DZIP1: variants seen among roughly 807,000 people sequenced by gnomAD.
DZIP1 encodes DAZ interacting zinc finger protein 1.
Under a neutral mutation model 107.6 loss-of-function variants are expected in DZIP1, and 97 were observed. That is an observed-to-expected ratio of 0.90 (90% CI 0.77 to 1.07). DZIP1 has a LOEUF of 1.07. DZIP1 is among the 50% of genes least tolerant of loss of function. The pLI is 0.00. For synonymous variants in DZIP1, 390 were observed against 386.4 expected, an observed-to-expected ratio of 1.01 and a Z score of -0.11; for missense variants, 1,035 against 1,063.6, an observed-to-expected ratio of 0.97 and a Z score of 0.37.
At chr13:95,636,044 G>T (rs1334132168) in intron 5 of DZIP1, among the ~76,000 whole-genome samples, 2 of 152,058 alleles carry the variant, frequency 1.3e-5, no homozygotes, top group Non-Finnish European at 2.9e-5. Context: ...CAAAAATAAA[G>T]CTTACTGCAG....
intron 14 of DZIP1, among the ~76,000 whole-genome samples, chr13:95,601,415 T>C (rs1385853056): frequency 1.3e-5 from 2 of 152,140 alleles, no homozygotes; most frequent in African/African-American, 4.8e-5. Context: ...TCCCATGAAC[T>C]TGTGGGAGGC....
intron 5 of DZIP1, among the ~76,000 whole-genome samples, chr13:95,638,901 A>C (rs1031859641): frequency 6.6e-6 from 1 of 152,254 alleles, no homozygotes; most frequent in African/African-American, 2.4e-5. Context: ...ATTGTGTCAG[A>C]ACAAGGAGTC....
chr13:95,619,742 G>T, intron 10 of DZIP1, 143 bp downstream of exon 10: 2 of 723,448 alleles, frequency 2.8e-6, no homozygotes, highest in African/African-American at 1.8e-5. Flanking sequence ...TTATTTTGGT[G>T]TTAGAATTAT....
chr13:95,605,897 C>T (rs1284976541), intron 14 of DZIP1, 106 bp downstream of exon 14: 8 of 1,166,228 alleles, frequency 6.9e-6, no homozygotes, highest in African/African-American at 6.2e-5. Context: ...TAAAATGTTT[C>T]CTGTTTTATT....
At chr13:95,640,965 G>T (rs1407535739) in intron 5 of DZIP1, among the ~76,000 whole-genome samples, 1 of 152,126 alleles carries the variant, frequency 6.6e-6, no homozygotes, top group Non-Finnish European at 1.5e-5. Context: ...CATCGTTTGG[G>T]GACTGGCTTC....
Position 95,615,795 on chromosome 13 carries a change from C to T in DZIP1, c.1174-3618G>A, listed in dbSNP as rs980515067. ...GGGCCTGCATTCAAATACCAGTGAC[C>T]GTGGGCAACACAGCATCTGTCTAAG... On this transcript the variant is annotated intron_variant, in intron 10 of 22. Coordinates refer to ENST00000376829, the MANE Select transcript of DZIP1 (RefSeq NM_198968.4). Among the ~76,000 whole-genome samples the T allele has an allele frequency of 4.6e-5, 7 of 152,258 alleles. No homozygotes were observed. The East Asian group carries it at 9.6e-4, about 21-fold the overall frequency.
intron 15 of DZIP1, among the ~76,000 whole-genome samples, chr13:95,595,895 C>T (rs939805579): frequency 6.6e-6 from 1 of 152,100 alleles, no homozygotes; most frequent in South Asian, 2.1e-4. Flanking sequence ...AGCTGTAAAG[C>T]CTTTGCCGTT....
intron 13 of DZIP1, among the ~76,000 whole-genome samples, chr13:95,607,057 T>A (rs1230419338): frequency 6.8e-6 from 1 of 147,930 alleles, no homozygotes; most frequent in Non-Finnish European, 1.5e-5. Flanking sequence ...ATTTTATTTT[T>A]TTTTAAAAAA....
chr13:95,622,597 C>T, intron 8 of DZIP1, 117 bp from the exon 9 acceptor site: 2 of 1,189,052 alleles, frequency 1.7e-6, no homozygotes, highest in South Asian at 2.7e-5. Context: ...TTGGACGCTC[C>T]TGGACGCTCT....
intron 8 of DZIP1, among the ~76,000 whole-genome samples, chr13:95,623,776 T>TA (rs1251066381): frequency 2.0e-5 from 3 of 152,014 alleles, no homozygotes; most frequent in African/African-American, 7.2e-5. Context: ...CCGTCTCTAC[T>TA]AAAAATACAA....
At chr13:95,617,354 C>G (rs1875238257) in intron 10 of DZIP1, among the ~76,000 whole-genome samples, 1 of 152,138 alleles carries the variant, frequency 6.6e-6, no homozygotes, top group Non-Finnish European at 1.5e-5. Context: ...ATAGTCTCAG[C>G]CCTTCAAATA....
intron 1 of DZIP1, among the ~76,000 whole-genome samples, chr13:95,643,975 T>G (rs1420252071): frequency 2.0e-5 from 3 of 151,984 alleles, no homozygotes; most frequent in Non-Finnish European, 4.4e-5. Flanking sequence ...GCCGCCACAC[T>G]CCATCGTGGG....
chr13:95,609,600 T>C (rs1393469870), intron 12 of DZIP1, 87 bp from the exon 13 acceptor site: 1 of 847,852 alleles, frequency 1.2e-6, no homozygotes, highest in Non-Finnish European at 1.7e-6. Context: ...TGAGCCCCCA[T>C]AAAAAACATA....
intron 15 of DZIP1, among the ~76,000 whole-genome samples, chr13:95,599,100 A>AT (rs1555306230): frequency 6.6e-6 from 1 of 151,964 alleles, no homozygotes. Context: ...ATAAAGACAA[A>AT]TTTTTTTTCA....
chr13:95,578,788 C>T lies in DZIP1; in HGVS notation c.*3446G>A, dbSNP rs911422688. On this transcript the variant is annotated 3_prime_UTR_variant, in exon 23 of 23. Coordinates refer to ENST00000376829, the MANE Select transcript of DZIP1 (RefSeq NM_198968.4). The stretch of plus-strand genomic sequence containing the variant: ...CATAAACGATGCTGTGATGAAGACT[C>T]ATGTACATATTTAGCAAATTTTGGT... 3 of 152,174 alleles carry T rather than the reference C, an allele frequency of 2.0e-5. No individual in the cohort carries two copies. The highest frequency in any genetic ancestry group is 2.0e-4 in the Admixed American group (3 of 15,278). 9.4% of individuals were successfully genotyped at this position (152,174 alleles called of 1,614,324 possible).
chr13:95,635,942 T>G (rs1594741222), intron 5 of DZIP1, among the ~76,000 whole-genome samples: 35 of 115,284 alleles, frequency 3.0e-4, no homozygotes, highest in Admixed American at 9.4e-4. Context: ...GGTAAGGAGG[T>G]AGGGAGGGAA....
intron 15 of DZIP1, among the ~76,000 whole-genome samples, chr13:95,598,516 G>A (rs1050605389): frequency 2.0e-5 from 3 of 151,966 alleles, no homozygotes; most frequent in African/African-American, 7.3e-5. Flanking sequence ...AGAGAACAAG[G>A]GAAGAGTTAT....
Position 95,606,031 on chromosome 13 carries a change from T to C in DZIP1, c.1449A>G (p.Glu483=), listed in dbSNP as rs1310425179. 3.1e-6 allele frequency: 5 copies of C among 1,613,932 alleles called. No homozygotes were observed. Among genetic ancestry groups the C allele is most frequent in the Non-Finnish European group, 2.5e-6 (3 of 1,179,964 alleles). Residue 483 remains glutamate, a synonymous_variant, in exon 14 of 23, where the codon GAA becomes GAG. Transcript: ENST00000376829. ...PMNAPALHTL[E]TKSSLPMVHE... ...GCACCATTGGCAGACTTGATTTAGT[T>C]TCCAAAGTGTGCAGGGCTGGGGCAT...
chr13:95,628,617 G>A (rs1191182860), intron 7 of DZIP1, among the ~76,000 whole-genome samples: 1 of 152,214 alleles, frequency 6.6e-6, no homozygotes, highest in African/African-American at 2.4e-5. Flanking sequence ...TAGTTAAGAA[G>A]TGGAAGCAAC....
Sources: gnomAD v4.1 joint callset for allele counts (sites outside exome capture counted in the v4.1 genomes callset) on GRCh38, gnomAD v4.1.1 for gene constraint, MANE v1.5 for transcripts, NCBI Gene and HGNC (gene_info 2026-07-23, HGNC 2026-07-21) for gene names.